SPATA6: variants seen among roughly 807,000 people sequenced by gnomAD.
The protein encoded by SPATA6 is spermatogenesis-associated protein 6.
In SPATA6, 56 loss-of-function variants were observed where a neutral mutation model predicts 65.3. The observed-to-expected ratio is 0.86, with a 90% CI of 0.69 to 1.07. The LOEUF is 1.07. SPATA6 is among the 50% of genes least tolerant of loss of function. The pLI is 0.00. For missense variants in SPATA6, 590 were observed against 594.8 expected (o/e 0.99, Z 0.08); for synonymous variants, 199 against 213.2 (o/e 0.93, Z 0.58).
At chr1:48,393,619 A>G in intron 8 of SPATA6, among the ~76,000 whole-genome samples, 1 of 152,176 alleles carries the variant, frequency 6.6e-6, no homozygotes, top group East Asian at 1.9e-4. Context: ...CGTTAATCAC[A>G]TAAAATATTG....
At chr1:48,371,300 T>C (rs1397367893) in intron 9 of SPATA6, among the ~76,000 whole-genome samples, 4 of 152,068 alleles carry the variant, frequency 2.6e-5, no homozygotes, top group East Asian at 3.9e-4. Context: ...GATAGATAGA[T>C]AGATAGATAG....
At chr1:48,373,944 C>T (rs1286983329) in intron 9 of SPATA6, among the ~76,000 whole-genome samples, 2 of 152,152 alleles carry the variant, frequency 1.3e-5, no homozygotes, top group African/African-American at 2.4e-5. Context: ...CACAGCCAAA[C>T]ATATCAATGT....
At chr1:48,358,949 A>C (rs537706462) in intron 10 of SPATA6, among the ~76,000 whole-genome samples, 3 of 152,314 alleles carry the variant, frequency 2.0e-5, no homozygotes, top group East Asian at 3.9e-4. Context: ...AGTTAAACTT[A>C]ACCAGGATTG....
At chr1:48,452,649 G>T (rs773686044) in intron 2 of SPATA6, among the ~76,000 whole-genome samples, 86 of 152,262 alleles carry the variant, frequency 5.6e-4, no homozygotes, top group Non-Finnish European at 7.2e-4. Flanking sequence ...CTCCCAAAGT[G>T]CTGGGATTGC....
At chr1:48,454,756 G>A (rs866626126) in intron 1 of SPATA6, among the ~76,000 whole-genome samples, 7 of 152,066 alleles carry the variant, frequency 4.6e-5, no homozygotes, top group Non-Finnish European at 1.0e-4. Context: ...AATAAACGGA[G>A]CCCCGGGAAA....
At chr1:48,276,941 C>A in the SPATA6 span, among the ~76,000 whole-genome samples, 1 of 151,606 alleles carries the variant, frequency 6.6e-6, no homozygotes, top group South Asian at 2.1e-4. Context: ...AAGTCTTCCA[C>A]TATTATTGTG....
intron 5 of SPATA6, among the ~76,000 whole-genome samples, chr1:48,407,774 C>A (rs368766665): frequency 6.6e-6 from 1 of 152,120 alleles, no homozygotes; most frequent in African/African-American, 2.4e-5. Context: ...AACTGCCATT[C>A]GTAGAAGTCC....
chr1:48,313,493 C>A (rs1570055981), intron 11 of SPATA6, among the ~76,000 whole-genome samples: 1 of 152,066 alleles, frequency 6.6e-6, no homozygotes, highest in South Asian at 2.1e-4. Flanking sequence ...CAAGCAAATG[C>A]TGAGAGATTT....
intron 11 of SPATA6, among the ~76,000 whole-genome samples, chr1:48,340,972 A>G (rs1241932173): frequency 1.3e-5 from 2 of 152,214 alleles, no homozygotes; most frequent in African/African-American, 2.4e-5. Flanking sequence ...TTCTAAACCT[A>G]TATGTATCCA....
intron 9 of SPATA6, among the ~76,000 whole-genome samples, chr1:48,360,769 T>C (rs1646789459): frequency 6.6e-6 from 1 of 152,174 alleles, no homozygotes; most frequent in Non-Finnish European, 1.5e-5. Flanking sequence ...TAGGAACCTA[T>C]TATAATAAAA....
At chr1:48,384,131 G>A (rs1649140661) in intron 9 of SPATA6, among the ~76,000 whole-genome samples, 4 of 150,338 alleles carry the variant, frequency 2.7e-5, no homozygotes, top group Non-Finnish European at 4.4e-5. Context: ...GCTAGGAGCT[G>A]GAGACCAGCC....
the SPATA6 span, among the ~76,000 whole-genome samples, chr1:48,272,093 A>G: frequency 6.6e-6 from 1 of 152,140 alleles, no homozygotes; most frequent in Non-Finnish European, 1.5e-5. Flanking sequence ...TAATTAAGGC[A>G]TAACTTGACG....
chr1:48,467,916 AG>A (rs1377434809), intron 1 of SPATA6, among the ~76,000 whole-genome samples: 2 of 152,218 alleles, frequency 1.3e-5, no homozygotes, highest in Admixed American at 1.3e-4. Flanking sequence ...ATGTGGAGAA[AG>A]GGGAACCCTT....
chr1:48,370,419 A>C (rs910356586), intron 9 of SPATA6, among the ~76,000 whole-genome samples: 2 of 152,230 alleles, frequency 1.3e-5, no homozygotes, highest in Non-Finnish European at 2.9e-5. Flanking sequence ...CACTTTCTCA[A>C]TCTTGCCAAG....
chr1:48,384,401 G>A (rs1227007163), intron 9 of SPATA6, among the ~76,000 whole-genome samples: 2 of 78,120 alleles, frequency 2.6e-5, no homozygotes, highest in African/African-American at 1.4e-4. Context: ...AGAGGGAGAG[G>A]GAGAGGGAGA....
rs1354901631 is a variant in SPATA6, at chr1:48,436,593, G to C, written c.238+14959C>G. The stretch of plus-strand genomic sequence containing the variant: ...CTGGCCTGTCCCATCTGCATAGTTT[G>C]GTTAAGCATGGACAGAGGCATAGGG... On this transcript the variant is annotated intron_variant, in intron 3 of 12. Coordinates refer to ENST00000371847, the MANE Select transcript of SPATA6 (RefSeq NM_019073.4). 3.1e-6 allele frequency: 5 copies of C among 1,613,330 alleles called. No homozygotes were observed. The East Asian group carries it at 1.1e-4, about 36-fold the overall frequency.
At chr1:48,418,544 CAAAAAAAAAAAAAAAAAA>C (rs34415296) in intron 3 of SPATA6, among the ~76,000 whole-genome samples, 13 of 49,700 alleles carry the variant, frequency 2.6e-4, no homozygotes, top group South Asian at 1.7e-3. Context: ...CCCATCCCTA[CAAAAAAAAAAAAAAAAAA>C]AAAAAAAAAA....
intron 3 of SPATA6, among the ~76,000 whole-genome samples, chr1:48,439,425 G>C (rs1003154787): frequency 2.0e-5 from 3 of 151,784 alleles, no homozygotes. Flanking sequence ...GTCAGTGAGC[G>C]CAACTATTCC....
In SPATA6 at chr1:48,299,516, G is replaced by GAAA. The variant is rs58072004; in HGVS notation, c.1287-626_1287-624dup. On this transcript the variant is annotated intron_variant, in intron 12 of 12. Coordinates refer to ENST00000371847, the MANE Select transcript of SPATA6 (RefSeq NM_019073.4). The stretch of plus-strand genomic sequence containing the variant: ...ACAACAAGAGCAAAACTCCGTCTCG[G>GAAA]AAAAAAAAAAAAAAAAAAAAAGAAT... 1.1e-3 allele frequency among the ~76,000 whole-genome samples: 42 copies of GAAA among 38,202 alleles called. 6 individuals are homozygous for GAAA. The South Asian group carries it at 0.012, about 11-fold the overall frequency. 25.1% of individuals were successfully genotyped at this position (38,202 alleles called of 152,430 possible).
Sources: allele counts gnomAD v4.1 joint callset (sites outside exome capture counted in the v4.1 genomes callset), GRCh38; gene constraint gnomAD v4.1.1; transcripts MANE v1.5; gene names NCBI Gene and HGNC (gene_info 2026-07-23, HGNC 2026-07-21).